KHDRBS2: variants seen among roughly 807,000 people sequenced by gnomAD.
KHDRBS2 encodes the protein KH RNA binding domain containing, signal transduction associated 2, also known as KH domain-containing, RNA-binding, signal transduction-associated protein 2.
In KHDRBS2, 26 loss-of-function variants were observed where a neutral mutation model predicts 44.3. The ratio of observed to expected loss-of-function variants is 0.59; its 90% CI spans 0.43 to 0.81. The LOEUF is 0.81. Ranked by LOEUF, KHDRBS2 falls within the 40% of genes least tolerant of loss-of-function variation. The pLI is 0.00. For synonymous variants in KHDRBS2, 194 were observed against 151.1 expected (o/e 1.28, Z -2.08); for missense variants, 476 against 433.1 (o/e 1.10, Z -0.88).
At chr6:62,165,868 C>T (rs112713851) in intron 2 of KHDRBS2, among the ~76,000 whole-genome samples, 1 of 151,910 alleles carries the variant, frequency 6.6e-6, no homozygotes, top group Non-Finnish European at 1.5e-5. Flanking sequence ...GAATACGTGG[C>T]ATTAAGTACA....
the KHDRBS2 span, among the ~76,000 whole-genome samples, chr6:61,663,900 C>A: frequency 2.6e-5 from 4 of 151,364 alleles, no homozygotes; most frequent in African/African-American, 7.3e-5. Context: ...GAGTAAAGAG[C>A]ATATATCAAT....
the KHDRBS2 span, among the ~76,000 whole-genome samples, chr6:61,557,984 C>A: frequency 6.6e-6 from 1 of 152,054 alleles, no homozygotes; most frequent in Non-Finnish European, 1.5e-5. Flanking sequence ...TGTAATGTCT[C>A]CTTTCTAATT....
At chr6:61,914,577 G>T (rs1344863685) in intron 4 of KHDRBS2, among the ~76,000 whole-genome samples, 1 of 151,960 alleles carries the variant, frequency 6.6e-6, no homozygotes, top group Non-Finnish European at 1.5e-5. Context: ...GTTAATGGGT[G>T]CAGCACACCA....
At chr6:62,126,886 A>T (rs1672966220) in intron 2 of KHDRBS2, among the ~76,000 whole-genome samples, 1 of 152,216 alleles carries the variant, frequency 6.6e-6, no homozygotes, top group Admixed American at 6.5e-5. Context: ...TTAACTTTAT[A>T]TATAGGTTTC....
At chr6:61,653,621 G>C in the KHDRBS2 span, among the ~76,000 whole-genome samples, 163 of 151,118 alleles carry the variant, frequency 1.1e-3, 1 homozygote, top group Non-Finnish European at 6.5e-4. Flanking sequence ...GACAGAGAGA[G>C]AGAGAGAGAG....
At chr6:62,068,110 T>C in intron 2 of KHDRBS2, among the ~76,000 whole-genome samples, 1 of 151,508 alleles carries the variant, frequency 6.6e-6, no homozygotes, top group East Asian at 2.0e-4. Context: ...TGAAGAAGCA[T>C]CCAATTGTTT....
intron 6 of KHDRBS2, among the ~76,000 whole-genome samples, chr6:61,843,100 T>C (rs1793836302): frequency 6.6e-6 from 1 of 151,950 alleles, no homozygotes; most frequent in Non-Finnish European, 1.5e-5. Context: ...AATTATACAA[T>C]TCCATTTATA....
At chr6:62,195,051 AAAT>A (rs1825397637) in intron 1 of KHDRBS2, among the ~76,000 whole-genome samples, 1 of 152,144 alleles carries the variant, frequency 6.6e-6, no homozygotes, top group Non-Finnish European at 1.5e-5. Context: ...TTAGTCTTTC[AAAT>A]GATGAACATG....
the KHDRBS2 span, among the ~76,000 whole-genome samples, chr6:61,639,295 T>C: frequency 6.6e-6 from 1 of 152,062 alleles, no homozygotes; most frequent in Non-Finnish European, 1.5e-5. Context: ...TCTACTTATC[T>C]TTTAGGCATA....
chr6:62,170,347 T>C (rs147061072), intron 2 of KHDRBS2, among the ~76,000 whole-genome samples: 9 of 151,996 alleles, frequency 5.9e-5, no homozygotes, highest in Non-Finnish European at 1.2e-4. Context: ...GAAAGCCCCA[T>C]GGACCAAAAC....
intron 4 of KHDRBS2, among the ~76,000 whole-genome samples, chr6:61,948,681 TA>T (rs1764113660): frequency 1.3e-5 from 2 of 148,638 alleles, no homozygotes; most frequent in Non-Finnish European, 3.0e-5. Context: ...TTATTATTAT[TA>T]TTATTATTAT....
At chr6:62,106,524 C>T (rs1425078369) in intron 2 of KHDRBS2, among the ~76,000 whole-genome samples, 3 of 151,950 alleles carry the variant, frequency 2.0e-5, no homozygotes, top group Non-Finnish European at 2.9e-5. Flanking sequence ...ATCCCTTTAC[C>T]AGGTACAAGG....
intron 7 of KHDRBS2, among the ~76,000 whole-genome samples, chr6:61,730,932 G>C (rs1207002433): frequency 6.6e-6 from 1 of 151,830 alleles, no homozygotes; most frequent in Non-Finnish European, 1.5e-5. Context: ...GGTCAGTTAA[G>C]CTCACTTAAA....
At chr6:61,820,211 T>C (rs1350883004) in intron 6 of KHDRBS2, among the ~76,000 whole-genome samples, 1 of 152,038 alleles carries the variant, frequency 6.6e-6, no homozygotes, top group East Asian at 1.9e-4. Context: ...TGGGATGACA[T>C]TGAAGATCCA....
chr6:62,245,838 T>A (rs1835458398), intron 1 of KHDRBS2, among the ~76,000 whole-genome samples: 1 of 151,958 alleles, frequency 6.6e-6, no homozygotes, highest in South Asian at 2.1e-4. Flanking sequence ...CTTTAGAATG[T>A]CATCTCTAGG....
the KHDRBS2 span, chr6:61,652,384 A>T: frequency 6.6e-6 from 1 of 151,894 alleles, no homozygotes; most frequent in African/African-American, 2.4e-5. Flanking sequence ...GTATGATGTG[A>T]TTTTTGTATG....
At position 61,888,797 on chromosome 6, in the gene KHDRBS2, G is replaced by C. The variant is rs949808917; in HGVS notation, c.810+5838C>G. Among the ~76,000 whole-genome samples, 2 of 151,864 alleles carry C rather than the reference G, an allele frequency of 1.3e-5. 1 individual carries two copies. Among genetic ancestry groups the C allele is most frequent in the Non-Finnish European group, 2.9e-5 (2 of 67,980 alleles). ...AGGATGGTCTCAATCTCCTGACTTC[G>C]TGATCCACCCACCCCGGCCTCCCAA... On this transcript the variant is annotated intron_variant, in intron 6 of 8. Coordinates refer to ENST00000281156, the MANE Select transcript of KHDRBS2 (RefSeq NM_152688.4).
At chr6:61,952,372 G>T (rs1281118968) in intron 4 of KHDRBS2, among the ~76,000 whole-genome samples, 1 of 151,826 alleles carries the variant, frequency 6.6e-6, no homozygotes, top group Non-Finnish European at 1.5e-5. Flanking sequence ...AAACATTTTT[G>T]GATCTTCCAC....
At chr6:61,937,432 C>G (rs139033081) in intron 4 of KHDRBS2, among the ~76,000 whole-genome samples, 1 of 152,018 alleles carries the variant, frequency 6.6e-6, no homozygotes, top group Non-Finnish European at 1.5e-5. Flanking sequence ...CTAACTACTA[C>G]ACAACGTCAC....
Sources: allele counts gnomAD v4.1 joint callset (sites outside exome capture counted in the v4.1 genomes callset), GRCh38; gene constraint gnomAD v4.1.1; transcripts MANE v1.5; gene names NCBI Gene and HGNC (gene_info 2026-07-23, HGNC 2026-07-21).